Variants in ATP11B observed in about 807,000 individuals in gnomAD.
ATP11B encodes the protein phospholipid-transporting ATPase IF.
Under a neutral mutation model 157.8 loss-of-function variants are expected in ATP11B, and 81 were observed. The ratio of observed to expected loss-of-function variants is 0.51; its 90% CI spans 0.43 to 0.62. ATP11B has a LOEUF of 0.62. Ranked by LOEUF, ATP11B falls within the 20% of genes least tolerant of loss-of-function variation. The probability of loss-of-function intolerance (pLI) is 0.00; values close to 1 mark genes in which losing one functional copy is unlikely to be tolerated. For synonymous variants in ATP11B, 451 were observed against 469.4 expected (o/e 0.96, Z 0.51); for missense variants, 1,165 against 1,402.2 (o/e 0.83, Z 2.70).
intron 28 of ATP11B, among the ~76,000 whole-genome samples, chr3:182,901,607 T>G (rs1404845222): frequency 6.6e-6 from 1 of 152,174 alleles, no homozygotes; most frequent in Non-Finnish European, 1.5e-5. Flanking sequence ...TTTATTTATA[T>G]TTATCCTTAG....
intron 8 of ATP11B, among the ~76,000 whole-genome samples, chr3:182,842,474 C>T (rs1469926062): frequency 3.9e-5 from 6 of 152,084 alleles, no homozygotes; most frequent in South Asian, 2.1e-4. Flanking sequence ...TCTCCCTGGG[C>T]GTGCCACTCT....
At chr3:182,861,130 A>G (rs987977809) in intron 12 of ATP11B, among the ~76,000 whole-genome samples, 1 of 150,704 alleles carries the variant, frequency 6.6e-6, no homozygotes, top group Non-Finnish European at 1.5e-5. Flanking sequence ...CAATGGCGCA[A>G]TCTTGGCTCA....
intron 7 of ATP11B, among the ~76,000 whole-genome samples, chr3:182,839,060 A>G (rs576587513): frequency 6.6e-6 from 1 of 152,328 alleles, no homozygotes; most frequent in South Asian, 2.1e-4. Flanking sequence ...GATTGGATAA[A>G]GAAAATGAGG....
Position 182,793,796 on chromosome 3 carries a change from C to T in ATP11B, c.27+10C>T, listed in dbSNP as rs1180968603. On this transcript the variant is annotated intron_variant, in intron 1 of 29. Coordinates refer to ENST00000323116, the MANE Select transcript of ATP11B (RefSeq NM_014616.3). The stretch of plus-strand genomic sequence containing the variant: ...GATCCGGCAGCAGCTGGTAGGTGCC[C>T]CCGCCCCTCCACCTCCATTCGTCCG... The T allele has an allele frequency of 1.4e-6, 2 of 1,384,688 alleles. No individual in the cohort carries two copies. The highest frequency in any genetic ancestry group is 1.5e-5 in the South Asian group (1 of 67,458). 85.8% of individuals were successfully genotyped at this position (1,384,688 alleles called of 1,614,324 possible).
At chr3:182,850,271 G>A (rs866516793) in intron 10 of ATP11B, among the ~76,000 whole-genome samples, 3 of 152,062 alleles carry the variant, frequency 2.0e-5, no homozygotes, top group Admixed American at 2.0e-4. Flanking sequence ...TCAGGAGTTC[G>A]AGACCAGCCT....
At chr3:182,816,459 T>C (rs1716974351) in intron 1 of ATP11B, among the ~76,000 whole-genome samples, 2 of 152,292 alleles carry the variant, frequency 1.3e-5, no homozygotes, top group South Asian at 4.1e-4. Flanking sequence ...AATTAGAGAG[T>C]TCAGATTATA....
chr3:182,867,028 C>T (rs1270704382), intron 14 of ATP11B, among the ~76,000 whole-genome samples: 2 of 151,504 alleles, frequency 1.3e-5, no homozygotes, highest in African/African-American at 2.4e-5. Context: ...GGGTTCAAGC[C>T]ATTCTCCTGA....
chr3:182,889,800 G>A (rs1463627982), intron 25 of ATP11B, among the ~76,000 whole-genome samples: 2 of 152,042 alleles, frequency 1.3e-5, no homozygotes, highest in Admixed American at 1.3e-4. Flanking sequence ...CTCACACAGG[G>A]GATATGTTAT....
chr3:182,818,313 A>G (rs192500032), intron 1 of ATP11B, among the ~76,000 whole-genome samples: 79 of 152,324 alleles, frequency 5.2e-4, no homozygotes, highest in Admixed American at 2.4e-3. Flanking sequence ...TTGTTCATTC[A>G]TTTGTTCACT....
chr3:182,836,175 T>C (rs779015669), intron 5 of ATP11B, 33 bp downstream of exon 5: 71 of 1,583,562 alleles, frequency 4.5e-5, no homozygotes, highest in Non-Finnish European at 6.0e-5. Flanking sequence ...AAATCAACTT[T>C]ATCTTGATAT....
chr3:182,869,467 C>G (rs1207224239), intron 17 of ATP11B, 136 bp downstream of exon 17: 1 of 588,150 alleles, frequency 1.7e-6, no homozygotes, highest in African/African-American at 1.9e-5. Context: ...CTCCACATTC[C>G]TTTTGTGAAA....
At chr3:182,880,345 C>G (rs1019191668) in intron 20 of ATP11B, among the ~76,000 whole-genome samples, 1 of 152,090 alleles carries the variant, frequency 6.6e-6, no homozygotes, top group South Asian at 2.1e-4. Flanking sequence ...AATTCATGTA[C>G]CCCAGTCTAT....
At chr3:182,843,728 G>A (rs185786484) in intron 8 of ATP11B, 12 of 152,220 alleles carry the variant, frequency 7.9e-5, no homozygotes, top group African/African-American at 2.6e-4. Context: ...GTTTCTAATC[G>A]CATTTGACAT....
At chr3:182,868,726 C>A (rs1371023248) in intron 15 of ATP11B, among the ~76,000 whole-genome samples, 1 of 152,180 alleles carries the variant, frequency 6.6e-6, no homozygotes, top group African/African-American at 2.4e-5. Context: ...GATTCCAGTT[C>A]TTGCTCTGCC....
At chr3:182,890,148 A>C (rs1038394770) in intron 25 of ATP11B, among the ~76,000 whole-genome samples, 1 of 152,058 alleles carries the variant, frequency 6.6e-6, no homozygotes, top group Admixed American at 6.5e-5. Flanking sequence ...ACACTGTTAC[A>C]CTGTGTTCTG....
chr3:182,883,876 A>G (rs1231073081), intron 21 of ATP11B, among the ~76,000 whole-genome samples: 1 of 147,140 alleles, frequency 6.8e-6, no homozygotes. Context: ...AATGGCGTGA[A>G]CCTGGGAGGC....
intron 12 of ATP11B, among the ~76,000 whole-genome samples, 182 bp from the exon 13 acceptor site, chr3:182,865,274 G>A (rs1721144681): frequency 6.6e-6 from 1 of 152,122 alleles, no homozygotes; most frequent in African/African-American, 2.4e-5. Context: ...GTGTTACCCT[G>A]TTTTCTTTCC....
chr3:182,879,725 A>T, intron 20 of ATP11B, 76 bp downstream of exon 20: 1 of 1,348,672 alleles, frequency 7.4e-7, no homozygotes, highest in Non-Finnish European at 9.9e-7. Flanking sequence ...AATGCCTTAC[A>T]TAGTTCCATT....
intron 25 of ATP11B, among the ~76,000 whole-genome samples, chr3:182,890,036 C>G (rs9869428): frequency 1.3e-5 from 2 of 152,202 alleles, no homozygotes; most frequent in African/African-American, 4.8e-5. Context: ...CTACCACATT[C>G]TTCATTGCAC....
Sources: gnomAD v4.1 joint callset for allele counts (sites outside exome capture counted in the v4.1 genomes callset) on GRCh38, gnomAD v4.1.1 for gene constraint, MANE v1.5 for transcripts, NCBI Gene and HGNC (gene_info 2026-07-23, HGNC 2026-07-21) for gene names.